UGT2B7: variants seen among roughly 807,000 people sequenced by gnomAD.
UGT2B7 encodes UDP glucuronosyltransferase family 2 member B7.
A neutral mutation model predicts 51.9 loss-of-function variants in UGT2B7; 51 were observed. The ratio of observed to expected loss-of-function variants is 0.98; its 90% CI spans 0.78 to 1.24. The LOEUF (loss-of-function observed/expected upper bound fraction) is 1.24. Ranked by LOEUF, UGT2B7 falls within the 50% of genes most tolerant of loss-of-function variation. The pLI is 0.00. For synonymous variants in UGT2B7, 225 were observed against 211.6 expected (o/e 1.06, Z -0.55); for missense variants, 727 against 628.4 (o/e 1.16, Z -1.68).
rs1056296634 is a variant in UGT2B7 at position 69,112,787 on chromosome 4, T to G, written c.*51T>G. 6.4e-7 allele frequency: 1 copy of G among 1,563,256 alleles called. No homozygotes were observed. Among genetic ancestry groups the G allele is most frequent in the African/African-American group, 1.4e-5 (1 of 72,194 alleles). On this transcript the variant is annotated 3_prime_UTR_variant, in exon 6 of 6. Coordinates refer to ENST00000305231, the MANE Select transcript of UGT2B7 (RefSeq NM_001074.4). ...AACCTGATAGGTGAGACTACTTCAG[T>G]TTATTCCAGCAAGAAAGATTGTGAT...
intron 1 of UGT2B7, among the ~76,000 whole-genome samples, chr4:69,071,395 G>T (rs1454085934): frequency 6.6e-6 from 1 of 152,118 alleles, no homozygotes; most frequent in Non-Finnish European, 1.5e-5. Context: ...AATACCATGT[G>T]CAACAGTTTT....
chr4:69,107,940 T>A (rs571768346), intron 4 of UGT2B7, among the ~76,000 whole-genome samples, 163 bp from the exon 5 acceptor site: 1 of 152,264 alleles, frequency 6.6e-6, no homozygotes. Context: ...TAGCCTTCAG[T>A]TACATACCCA....
intron 1 of UGT2B7, among the ~76,000 whole-genome samples, chr4:69,077,416 G>A (rs1718733618): frequency 6.6e-6 from 1 of 152,064 alleles, no homozygotes. Context: ...CTATCCATGA[G>A]CATGGGATGT....
chr4:69,051,788 C>T (rs768825530), intron 1 of UGT2B7, among the ~76,000 whole-genome samples: 1 of 152,142 alleles, frequency 6.6e-6, no homozygotes. Flanking sequence ...AAGGTGTGCC[C>T]TTATTGGCAC....
chr4:69,069,947 A>C (rs1718565372), intron 1 of UGT2B7: 1 of 152,112 alleles, frequency 6.6e-6, no homozygotes, highest in Non-Finnish European at 1.5e-5. Context: ...ATTTAATGTC[A>C]CCACTATGTA....
intron 5 of UGT2B7, 44 bp from the exon 6 acceptor site, chr4:69,112,413 G>C: frequency 6.3e-7 from 1 of 1,587,834 alleles, no homozygotes; most frequent in Non-Finnish European, 8.6e-7. Context: ...GGTTTTGTCT[G>C]TAACTCTTCC....
rs779063861 is a variant in UGT2B7 at position 69,102,881 on chromosome 4, C to T, written c.945C>T (p.Asn315=). ...TTTCTCTGGGGTCAATGGTCAGTAACATGACAGAAGAAAGGGCCAACGTAA... is the reference window on the plus strand; with the variant it reads ...TTTCTCTGGGGTCAATGGTCAGTAATATGACAGAAGAAAGGGCCAACGTAA... ...VVFSLGSMVS[N]MTEERANVIA... is the part of the protein sequence containing the mutation. The change falls in exon 3 of 6, where the codon AAC becomes AAT. Residue 315 remains asparagine, a synonymous_variant. Coordinates refer to ENST00000305231, the MANE Select transcript of UGT2B7 (RefSeq NM_001074.4). 1 of 1,613,618 alleles carries T rather than the reference C, an allele frequency of 6.2e-7. No homozygotes were observed. The highest frequency in any genetic ancestry group is 1.3e-5 in the African/African-American group (1 of 74,968).
intron 2 of UGT2B7, among the ~76,000 whole-genome samples, chr4:69,099,168 T>C (rs1354738517): frequency 6.9e-6 from 1 of 145,544 alleles, no homozygotes; most frequent in Non-Finnish European, 1.5e-5. Flanking sequence ...TCAGTGGAGA[T>C]AATAGAAAGT....
At chr4:69,062,629 CCATCTGACCCGA>C (rs1718373409) in intron 1 of UGT2B7, among the ~76,000 whole-genome samples, 2 of 152,076 alleles carry the variant, frequency 1.3e-5, no homozygotes, top group African/African-American at 4.8e-5. Context: ...AGGACATAGA[CCATCTGACCCGA>C]ATGATCCTGC....
intron 1 of UGT2B7, among the ~76,000 whole-genome samples, chr4:69,080,269 C>T (rs908826635): frequency 6.6e-6 from 1 of 151,988 alleles, no homozygotes; most frequent in Non-Finnish European, 1.5e-5. Flanking sequence ...TTCTGTCTGC[C>T]AGGTGTGGTG....
At chr4:69,101,721 G>A (rs184302034) in intron 2 of UGT2B7, among the ~76,000 whole-genome samples, 58 of 152,274 alleles carry the variant, frequency 3.8e-4, no homozygotes, top group African/African-American at 1.3e-3. Flanking sequence ...GTGAAGAACA[G>A]TTAGGAAAAG....
chr4:69,088,346 G>GT (rs1719006666), intron 1 of UGT2B7, among the ~76,000 whole-genome samples: 1 of 97,490 alleles, frequency 1.0e-5, no homozygotes, highest in African/African-American at 5.1e-5. Flanking sequence ...TCTCTAAAGT[G>GT]TGTTTTTTTC....
upstream of UGT2B7, among the ~76,000 whole-genome samples, chr4:69,091,979 G>T (rs1211313259): frequency 2.0e-5 from 3 of 152,108 alleles, no homozygotes; most frequent in African/African-American, 7.2e-5. Context: ...GTCTTGCTCT[G>T]TCACCCAGGC....
chr4:69,083,535 T>A (rs1242688800), intron 1 of UGT2B7, among the ~76,000 whole-genome samples: 1 of 152,130 alleles, frequency 6.6e-6, no homozygotes, highest in African/African-American at 2.4e-5. Context: ...ACTTTATAAC[T>A]ACAGATGTGT....
chr4:69,065,276 G>A (rs1273022634), intron 1 of UGT2B7, among the ~76,000 whole-genome samples: 2 of 152,130 alleles, frequency 1.3e-5, no homozygotes, highest in Non-Finnish European at 2.9e-5. Flanking sequence ...TGTAGATTTA[G>A]AGAAATAGAA....
At chr4:69,058,068 G>A (rs1676609489) in intron 1 of UGT2B7, among the ~76,000 whole-genome samples, 1 of 152,200 alleles carries the variant, frequency 6.6e-6, no homozygotes, top group Admixed American at 6.5e-5. Flanking sequence ...AGCTGTGCTG[G>A]CAGCTACAAA....
At chr4:69,079,723 C>A (rs1718792724) in intron 1 of UGT2B7, among the ~76,000 whole-genome samples, 1 of 152,054 alleles carries the variant, frequency 6.6e-6, no homozygotes, top group African/African-American at 2.4e-5. Context: ...CATATGAATA[C>A]CTGCTTGGCC....
rs1560508731 is a variant in UGT2B7 at position 69,097,203 on chromosome 4, A to T, written c.683A>T (p.Asp228Val). The T allele has an allele frequency of 1.9e-6, 3 of 1,612,634 alleles. No homozygotes were observed. The highest frequency in any genetic ancestry group is 3.3e-5 in the Admixed American group (2 of 59,756). ...LYFDFWFEIF[D>V]MKKWDQFYSE... ...TTTGACTTTTGGTTCGAAATATTTG[A>T]CATGAAGAAGTGGGATCAGTTTTAT... Residue 228 changes from aspartate to valine, a missense_variant, in exon 1 of 6, where the codon GAC becomes GTC. Physicochemically the swap from Asp to Val is radical, Grantham distance 152 (BLOSUM62 -3). Coordinates refer to ENST00000305231, the MANE Select transcript of UGT2B7 (RefSeq NM_001074.4).
chr4:69,060,622 C>T (rs1407879376), intron 1 of UGT2B7, among the ~76,000 whole-genome samples: 2 of 152,216 alleles, frequency 1.3e-5, no homozygotes, highest in African/African-American at 2.4e-5. Context: ...GTGGCATCAC[C>T]CGGTGGCATA....
Sources: allele counts gnomAD v4.1 joint callset (sites outside exome capture counted in the v4.1 genomes callset), GRCh38; gene constraint gnomAD v4.1.1; transcripts MANE v1.5; gene names NCBI Gene and HGNC (gene_info 2026-07-23, HGNC 2026-07-21).